The following GRM7 variants were observed in gnomAD, a reference collection of about 807,000 sequenced individuals.
The protein encoded by GRM7 is metabotropic glutamate receptor 7.
A neutral mutation model predicts 84.5 loss-of-function variants in GRM7; 35 were observed. The ratio of observed to expected loss-of-function variants is 0.41; its 90% CI spans 0.32 to 0.55. The LOEUF is 0.55. Ranked by LOEUF, GRM7 falls within the 20% of genes least tolerant of loss-of-function variation. The pLI is 0.19. For synonymous variants in GRM7, 487 were observed against 455.1 expected, an observed-to-expected ratio of 1.07 and a Z score of -0.89; for missense variants, 1,003 against 1,194.6, an observed-to-expected ratio of 0.84 and a Z score of 2.36.
chr3:7,075,320 T>C (rs1405501805), intron 1 of GRM7, among the ~76,000 whole-genome samples: 1 of 152,162 alleles, frequency 6.6e-6, no homozygotes, highest in East Asian at 1.9e-4. Context: ...GCCTGAAGCT[T>C]GCAGCTGTGT....
intron 1 of GRM7, among the ~76,000 whole-genome samples, chr3:7,136,935 G>A (rs1693792586): frequency 1.3e-5 from 2 of 152,094 alleles, no homozygotes; most frequent in Admixed American, 1.3e-4. Context: ...AAACTACCAT[G>A]TTCCAGAAGA....
At chr3:7,622,278 C>G (rs979999520) in intron 8 of GRM7, among the ~76,000 whole-genome samples, 6 of 152,082 alleles carry the variant, frequency 3.9e-5, no homozygotes, top group African/African-American at 1.4e-4. Context: ...AAGCAAAACT[C>G]CACTCCTGAG....
chr3:7,624,624 T>C (rs921119884), intron 8 of GRM7, among the ~76,000 whole-genome samples: 2 of 152,158 alleles, frequency 1.3e-5, no homozygotes, highest in African/African-American at 4.8e-5. Context: ...TAATTTTCTG[T>C]CATAACTCTG....
chr3:7,086,021 T>A (rs1698446760), intron 1 of GRM7, among the ~76,000 whole-genome samples: 1 of 148,090 alleles, frequency 6.8e-6, no homozygotes, highest in African/African-American at 2.6e-5. Flanking sequence ...CAGTAAAAGT[T>A]CTTTCCTGGT....
At chr3:7,375,838 A>G (rs1400248216) in intron 4 of GRM7, among the ~76,000 whole-genome samples, 2 of 152,030 alleles carry the variant, frequency 1.3e-5, no homozygotes, top group East Asian at 1.9e-4. Context: ...TAATTCCCAA[A>G]CCAGAGTGAG....
At chr3:7,033,001 C>A (rs929383445) in intron 1 of GRM7, among the ~76,000 whole-genome samples, 1 of 152,128 alleles carries the variant, frequency 6.6e-6, no homozygotes, top group African/African-American at 2.4e-5. Flanking sequence ...GTTCTTGAGG[C>A]TGGAAGTCTG....
intron 2 of GRM7, among the ~76,000 whole-genome samples, chr3:7,175,090 C>T (rs1185655991): frequency 6.6e-6 from 1 of 152,156 alleles, no homozygotes; most frequent in Admixed American, 6.5e-5. Flanking sequence ...TGGAGAAAAA[C>T]CAAGAAAAGT....
chr3:7,338,026 TAAAG>T (rs1701488554), intron 4 of GRM7, among the ~76,000 whole-genome samples: 2 of 151,066 alleles, frequency 1.3e-5, no homozygotes, highest in East Asian at 2.0e-4. Flanking sequence ...AATGAGCAAA[TAAAG>T]AAAATGTGGG....
intron 2 of GRM7, among the ~76,000 whole-genome samples, chr3:7,180,282 A>G (rs1309682140): frequency 6.6e-6 from 1 of 152,164 alleles, no homozygotes; most frequent in African/African-American, 2.4e-5. Flanking sequence ...GCCAGGATTG[A>G]TATTAATAGC....
intron 4 of GRM7, among the ~76,000 whole-genome samples, chr3:7,406,040 AT>A (rs1695661034): frequency 1.3e-5 from 2 of 151,944 alleles, no homozygotes; most frequent in African/African-American, 4.8e-5. Context: ...AAAAACACAC[AT>A]TTTTTTGGCT....
At chr3:7,506,234 C>T (rs924043609) in intron 7 of GRM7, among the ~76,000 whole-genome samples, 5 of 152,068 alleles carry the variant, frequency 3.3e-5, no homozygotes, top group Non-Finnish European at 2.9e-5. Context: ...TTTCCAACAC[C>T]TCCTTTCTCA....
chr3:7,512,610 TAGAG>T (rs769929226), intron 7 of GRM7, among the ~76,000 whole-genome samples: 102 of 150,828 alleles, frequency 6.8e-4, no homozygotes, highest in African/African-American at 3.9e-4. Context: ...TTTTGAGCAT[TAGAG>T]AGACATTTGG....
intron 1 of GRM7, among the ~76,000 whole-genome samples, chr3:7,113,502 AG>A: frequency 6.6e-6 from 1 of 152,220 alleles, no homozygotes; most frequent in Middle Eastern, 3.4e-3. Flanking sequence ...CTCTTGCCTG[AG>A]CATCCCAAAG....
chr3:6,929,108 C>CGTTA (rs1697406785), intron 1 of GRM7, among the ~76,000 whole-genome samples: 1 of 152,172 alleles, frequency 6.6e-6, no homozygotes, highest in Non-Finnish European at 1.5e-5. Context: ...GGTATTATAA[C>CGTTA]ACAAGCCAAG....
chr3:7,644,737 T>C (rs6768216), intron 8 of GRM7, among the ~76,000 whole-genome samples: 9,474 of 152,262 alleles, frequency 0.062, 466 homozygotes, highest in African/African-American at 0.14. Flanking sequence ...TTTTTCCATA[T>C]AGATTTTTAA....
chr3:7,298,589 C>G (rs1699891710), intron 2 of GRM7, 95 bp from the exon 3 acceptor site: 7 of 997,496 alleles, frequency 7.0e-6, no homozygotes, highest in South Asian at 1.5e-5. Context: ...TATTGCATAT[C>G]CGGGATTCAG....
At position 7,740,303 on chromosome 3, in the gene GRM7, A is replaced by G. The variant is rs1484644105; in HGVS notation, c.2699-54A>G. The G allele has an allele frequency of 6.2e-6, 7 of 1,136,882 alleles. No individual in the cohort carries two copies. The East Asian group carries it at 1.7e-4, about 28-fold the overall frequency. The allele number at this position is 1,136,882 out of a possible 1,614,324, so 70.4% of individuals were successfully genotyped here. A position where few individuals can be genotyped will look rare whatever the true frequency, so the allele number is the denominator to read the frequency against. ...AGTGAAAAGTTCTAATTCTATTTCT[A>G]CCTTTGCAAACAGGGTTATTACTGC... On this transcript the variant is annotated intron_variant, in intron 9 of 9. Coordinates refer to ENST00000357716, the MANE Select transcript of GRM7 (RefSeq NM_000844.4).
chr3:7,336,010 C>G (rs1286214980), intron 4 of GRM7, among the ~76,000 whole-genome samples: 1 of 151,730 alleles, frequency 6.6e-6, no homozygotes, highest in African/African-American at 2.4e-5. Context: ...GAAACTATTC[C>G]AAATGATAAA....
chr3:7,120,053 T>G (rs1343722718), intron 1 of GRM7, among the ~76,000 whole-genome samples: 1 of 151,944 alleles, frequency 6.6e-6, no homozygotes, highest in African/African-American at 2.4e-5. Context: ...GATTGAGAGA[T>G]AAAATAAACA....
Sources: gnomAD v4.1 joint callset for allele counts (sites outside exome capture counted in the v4.1 genomes callset) on GRCh38, gnomAD v4.1.1 for gene constraint, MANE v1.5 for transcripts, NCBI Gene and HGNC (gene_info 2026-07-23, HGNC 2026-07-21) for gene names.